PKD1L3: variants seen among roughly 807,000 people sequenced by gnomAD.
PKD1L3 encodes polycystin 1 like 3, transient receptor potential channel interacting.
A neutral mutation model predicts 184.1 loss-of-function variants in PKD1L3; 239 were observed. The ratio of observed to expected loss-of-function variants is 1.30; its 90% CI spans 1.17 to 1.45. PKD1L3 has a LOEUF of 1.45. PKD1L3 is among the 40% of genes most tolerant of loss of function. The pLI is 0.00. For missense variants in PKD1L3, 2,660 were observed against 2,067.2 expected (o/e 1.29, Z -5.56); for synonymous variants, 996 against 778.8 (o/e 1.28, Z -4.64).
intron 4 of PKD1L3, among the ~76,000 whole-genome samples, chr16:71,988,200 T>G (rs2040448379): frequency 6.6e-6 from 1 of 152,104 alleles, no homozygotes; most frequent in African/African-American, 2.4e-5. Flanking sequence ...TTTGTAAATT[T>G]TTTTTTTGTT....
At chr16:71,936,142 CTA>C (rs1337156327) in intron 25 of PKD1L3, among the ~76,000 whole-genome samples, 2 of 151,184 alleles carry the variant, frequency 1.3e-5, no homozygotes, top group Non-Finnish European at 2.9e-5. Flanking sequence ...AAAAAAAATA[CTA>C]TGTTTGGCTT....
At chr16:71,953,771 C>T (rs2038939547) in intron 17 of PKD1L3, among the ~76,000 whole-genome samples, 2 of 152,176 alleles carry the variant, frequency 1.3e-5, no homozygotes, top group African/African-American at 4.8e-5. Flanking sequence ...ATGATCCAGT[C>T]ACCTCCCAGC....
chr16:71,938,384 G>A (rs2038252049), intron 24 of PKD1L3, among the ~76,000 whole-genome samples: 1 of 152,226 alleles, frequency 6.6e-6, no homozygotes, highest in African/African-American at 2.4e-5. Context: ...GCCCGCAGGT[G>A]CCCCTTGGCA....
At chr16:71,939,346 G>C (rs1444587740) in intron 24 of PKD1L3, among the ~76,000 whole-genome samples, 1 of 152,196 alleles carries the variant, frequency 6.6e-6, no homozygotes, top group Non-Finnish European at 1.5e-5. Flanking sequence ...GCTGAGTACA[G>C]GCTACCAGGC....
At position 71,933,908 on chromosome 16, in the gene PKD1L3, G is replaced by A; in HGVS notation, c.4824+7C>T. 3 of 1,550,294 alleles carry A rather than the reference G, an allele frequency of 1.9e-6. No homozygotes were observed. Among genetic ancestry groups the A allele is most frequent in the African/African-American group, 2.7e-5 (2 of 73,116 alleles). On this transcript the variant is annotated splice_region_variant and intron_variant, in intron 27 of 29. Coordinates refer to ENST00000620267, the MANE Select transcript of PKD1L3 (RefSeq NM_181536.2). Reference sequence around the variant, plus strand: ...GGAGAAGGAGAGACAGCAACGTGGGGGCTTACGGCAATGGCATAGCCTGTC... The same window carrying A: ...GGAGAAGGAGAGACAGCAACGTGGGAGCTTACGGCAATGGCATAGCCTGTC...
In PKD1L3 at chr16:71,950,809, T is replaced by C. The variant is rs1173126918; in HGVS notation, c.3191-499A>G. Among the ~76,000 whole-genome samples, 5 of 150,838 alleles carry C rather than the reference T, an allele frequency of 3.3e-5. No homozygotes were observed. In the Admixed American group the frequency reaches 3.3e-4, roughly 10 times the overall value. ...GTGTAGTGGCACGATCTTGGCTCACTGAAACCTCTGCCTCCCGGGTTCAAG... is the reference window on the plus strand; with the variant it reads ...GTGTAGTGGCACGATCTTGGCTCACCGAAACCTCTGCCTCCCGGGTTCAAG... On this transcript the variant is annotated intron_variant, in intron 19 of 29. Coordinates refer to ENST00000620267, the MANE Select transcript of PKD1L3 (RefSeq NM_181536.2).
At position 71,969,921 on chromosome 16, in the gene PKD1L3, A is replaced by T; in HGVS notation, c.2138T>A (p.Ile713Asn). 6.4e-7 allele frequency: 1 copy of T among 1,552,032 alleles called. No individual in the cohort carries two copies. Among genetic ancestry groups the T allele is most frequent in the South Asian group, 1.2e-5 (1 of 84,058 alleles). The part of the protein sequence containing the change: ...LLASLLGFYV[I>N]TVVWARKKDQ... Reference sequence around the variant, plus strand: ...CTTTTTCCGAGCCCACACAACTGTGATCACATAAAATCCTAAAAGGCTGGC... The same window carrying T: ...CTTTTTCCGAGCCCACACAACTGTGTTCACATAAAATCCTAAAAGGCTGGC... Residue 713 changes from isoleucine to asparagine, a missense_variant, in exon 13 of 30, where the codon ATC (isoleucine) becomes AAC (asparagine). Ile to Asn is a moderately radical substitution (Grantham distance 149, BLOSUM62 -3). Transcript: ENST00000620267.
At chr16:71,967,802 A>G in intron 14 of PKD1L3, 104 bp downstream of exon 14, 1 of 913,254 alleles carries the variant, frequency 1.1e-6, no homozygotes. Context: ...ACCAATCTCT[A>G]GTCTCTTTTA....
At chr16:71,994,736 T>C (rs527289398) in intron 2 of PKD1L3, among the ~76,000 whole-genome samples, 1 of 152,282 alleles carries the variant, frequency 6.6e-6, no homozygotes, top group Admixed American at 6.5e-5. Flanking sequence ...TGGTGGCTCA[T>C]GCCTGTAATC....
intron 2 of PKD1L3, among the ~76,000 whole-genome samples, chr16:71,993,962 G>A (rs1366138072): frequency 6.6e-6 from 1 of 152,092 alleles, no homozygotes; most frequent in Non-Finnish European, 1.5e-5. Context: ...TAGAAACGAG[G>A]TTTCACCATG....
chr16:71,937,970 G>A (rs1396600064), intron 24 of PKD1L3, among the ~76,000 whole-genome samples: 1 of 152,244 alleles, frequency 6.6e-6, no homozygotes, highest in Non-Finnish European at 1.5e-5. Flanking sequence ...ATCGGCTGCA[G>A]TGGGAGGCAT....
chr16:71,988,253 G>C (rs187167737), intron 4 of PKD1L3, among the ~76,000 whole-genome samples: 1 of 151,986 alleles, frequency 6.6e-6, no homozygotes, highest in Admixed American at 6.6e-5. Flanking sequence ...GGAGTTCAGC[G>C]GTGCGATCTT....
intron 6 of PKD1L3, among the ~76,000 whole-genome samples, chr16:71,982,451 A>C (rs1242194329): frequency 6.6e-6 from 1 of 151,302 alleles, no homozygotes. Flanking sequence ...ATGCTCAACT[A>C]ATTTTGTATT....
chr16:71,938,046 G>A (rs748717697), intron 24 of PKD1L3, among the ~76,000 whole-genome samples: 36 of 152,198 alleles, frequency 2.4e-4, no homozygotes, highest in Non-Finnish European at 2.4e-4. Context: ...GCCCCCTTCT[G>A]AGTTGGAGGG....
chr16:71,949,346 C>CT (rs543483265), intron 21 of PKD1L3, among the ~76,000 whole-genome samples: 8,012 of 122,722 alleles, frequency 0.065, 355 homozygotes, highest in African/African-American at 0.14. Flanking sequence ...TGTCAGTTTG[C>CT]TTTTTTTTTT....
chr16:71,936,802 T>C (rs147073576), intron 25 of PKD1L3, among the ~76,000 whole-genome samples: 177 of 152,286 alleles, frequency 1.2e-3, no homozygotes, highest in African/African-American at 4.2e-3. Flanking sequence ...TTGCTCTTTG[T>C]TCATCATACT....
At chr16:71,977,720 T>A (rs1479428893) in intron 10 of PKD1L3, among the ~76,000 whole-genome samples, 2 of 151,890 alleles carry the variant, frequency 1.3e-5, no homozygotes, top group Non-Finnish European at 2.9e-5. Context: ...TGGATGTTAG[T>A]AGCTAATACT....
intron 16 of PKD1L3, among the ~76,000 whole-genome samples, chr16:71,961,054 G>C (rs1597325032): frequency 1.3e-5 from 2 of 152,064 alleles, no homozygotes; most frequent in Admixed American, 6.6e-5. Context: ...TTGTTTTTTA[G>C]AGACAGGATC....
chr16:71,934,516 T>C (rs1453041417), intron 26 of PKD1L3, among the ~76,000 whole-genome samples: 1 of 152,214 alleles, frequency 6.6e-6, no homozygotes, highest in African/African-American at 2.4e-5. Flanking sequence ...GTCTGTTTTC[T>C]GTGGCACACT....
Sources: allele counts gnomAD v4.1 joint callset (sites outside exome capture counted in the v4.1 genomes callset), GRCh38; gene constraint gnomAD v4.1.1; transcripts MANE v1.5; gene names NCBI Gene and HGNC (gene_info 2026-07-23, HGNC 2026-07-21).